KIF1B: variants seen among roughly 807,000 people sequenced by gnomAD.
The protein encoded by KIF1B is kinesin-like protein KIF1B.
A neutral mutation model predicts 241.9 loss-of-function variants in KIF1B; 76 were observed. The ratio of observed to expected loss-of-function variants is 0.31; its 90% CI spans 0.26 to 0.38. KIF1B has a LOEUF of 0.38. Among genes scored for constraint, KIF1B ranks in the 10% least tolerant of loss-of-function variants. KIF1B has a pLI of 1.00. For missense variants in KIF1B, 1,622 were observed against 2,271.4 expected (o/e 0.71, Z 5.81); for synonymous variants, 750 against 796.7 (o/e 0.94, Z 0.99).
intron 5 of KIF1B, among the ~76,000 whole-genome samples, chr1:10,265,678 C>T (rs1186804481): frequency 6.6e-6 from 1 of 151,994 alleles, no homozygotes; most frequent in African/African-American, 2.4e-5. Flanking sequence ...GACCCTGTCT[C>T]TGCAAAAAAA....
At chr1:10,235,240 A>G (rs1451985614) in intron 2 of KIF1B, among the ~76,000 whole-genome samples, 1 of 152,062 alleles carries the variant, frequency 6.6e-6, no homozygotes, top group African/African-American at 2.4e-5. Context: ...AATTACCGTA[A>G]CAAAGGATTA....
At chr1:10,245,171 G>A (rs1197174770) in intron 2 of KIF1B, among the ~76,000 whole-genome samples, 3 of 152,118 alleles carry the variant, frequency 2.0e-5, no homozygotes, top group Non-Finnish European at 4.4e-5. Flanking sequence ...TACTAATCTT[G>A]TTTTGACTGC....
rs927884624 is a variant in KIF1B at position 10,379,865 on chromosome 1, G to A, written c.*3278G>A. 38 of 229,802 alleles carry A rather than the reference G, an allele frequency of 1.7e-4. No homozygotes were observed. Among genetic ancestry groups the A allele is most frequent in the African/African-American group, 8.0e-4 (36 of 45,238 alleles). The allele number at this position is 229,802 out of a possible 1,614,324, so 14.2% of individuals were successfully genotyped here. On this transcript the variant is annotated 3_prime_UTR_variant, in exon 49 of 49. Transcript: ENST00000676179. ...GACTGTGCAGGGCCAGCCAGCCCAT[G>A]CGCTAGTCAGGAGCACAGGCAAGGG...
chr1:10,296,854 T>TA (rs1650289857), intron 20 of KIF1B, 43 bp from the exon 21 acceptor site: 3 of 1,561,150 alleles, frequency 1.9e-6, no homozygotes, highest in Non-Finnish European at 2.6e-6. Context: ...TACTATATAT[T>TA]AAAAAAATTA....
At chr1:10,245,715 G>A (rs1647200713) in intron 2 of KIF1B, among the ~76,000 whole-genome samples, 1 of 152,194 alleles carries the variant, frequency 6.6e-6, no homozygotes. Context: ...AAGGCCTGGA[G>A]GTGAGAGTGA....
intron 22 of KIF1B, among the ~76,000 whole-genome samples, chr1:10,300,475 T>C (rs1241374306): frequency 6.6e-6 from 1 of 151,864 alleles, no homozygotes; most frequent in African/African-American, 2.4e-5. Context: ...TTGAGTTCTT[T>C]TGGATTTATA....
chr1:10,275,512 A>T lies in KIF1B; in HGVS notation c.958+9A>T, dbSNP rs1463581648. 7.0e-7 allele frequency: 1 copy of T among 1,435,354 alleles called. No individual in the cohort carries two copies. The highest frequency in any genetic ancestry group is 1.1e-5 in the South Asian group (1 of 87,396). 88.9% of individuals were successfully genotyped at this position (1,435,354 alleles called of 1,614,324 possible). A position where few individuals can be genotyped will look rare whatever the true frequency, so the allele number is the denominator to read the frequency against. ...CCTTCGAGAAAATTTAGGTATGTTG[A>T]CCACTAGTGAAAAGTAGTTATCTTT... On this transcript the variant is annotated intron_variant, in intron 11 of 48. Coordinates refer to ENST00000676179, the MANE Select transcript of KIF1B (RefSeq NM_001365951.3).
intron 22 of KIF1B, chr1:10,307,972 T>G: frequency 9.5e-7 from 1 of 1,055,470 alleles, no homozygotes; most frequent in Non-Finnish European, 1.1e-6. Context: ...AATTGTTTAT[T>G]ACATTGAAGT....
chr1:10,239,615 A>G (rs747958011), intron 2 of KIF1B, among the ~76,000 whole-genome samples: 6 of 151,662 alleles, frequency 4.0e-5, no homozygotes, highest in Non-Finnish European at 8.8e-5. Flanking sequence ...TTTTATTATT[A>G]TTATTTTTTT....
intron 38 of KIF1B, among the ~76,000 whole-genome samples, chr1:10,358,431 C>G (rs1028558002): frequency 6.6e-6 from 1 of 152,158 alleles, no homozygotes; most frequent in Admixed American, 6.5e-5. Flanking sequence ...TCAAATATCA[C>G]CAAAGTCATA....
At chr1:10,255,266 C>T (rs1647708363) in intron 2 of KIF1B, among the ~76,000 whole-genome samples, 1 of 152,058 alleles carries the variant, frequency 6.6e-6, no homozygotes. Flanking sequence ...TGATGTGTTC[C>T]AATATTTCAG....
Position 10,378,630 on chromosome 1 carries a change from G to A in KIF1B, c.*2043G>A, listed in dbSNP as rs1638948992. 4 of 572,392 alleles carry A rather than the reference G, an allele frequency of 7.0e-6. No homozygotes were observed. The highest frequency in any genetic ancestry group is 9.4e-6 in the Non-Finnish European group (3 of 320,100). 35.5% of individuals were successfully genotyped at this position (572,392 alleles called of 1,614,324 possible). ...GCAGCTGGATGACTTCCCGCTTCAC[G>A]CAGCAAAGGCCAGGGGCTTGCGCGC... On this transcript the variant is annotated 3_prime_UTR_variant, in exon 49 of 49. Coordinates refer to ENST00000676179, the MANE Select transcript of KIF1B (RefSeq NM_001365951.3).
intron 2 of KIF1B, among the ~76,000 whole-genome samples, chr1:10,241,075 A>G (rs1408455478): frequency 6.6e-6 from 1 of 152,068 alleles, no homozygotes; most frequent in African/African-American, 2.4e-5. Flanking sequence ...ACTATATAGC[A>G]TACTATTTTA....
chr1:10,323,139 G>A (rs1167814421), intron 24 of KIF1B, among the ~76,000 whole-genome samples: 1 of 152,054 alleles, frequency 6.6e-6, no homozygotes, highest in Non-Finnish European at 1.5e-5. Context: ...TGGGATTACA[G>A]GTGTGAACTT....
chr1:10,336,890 T>C (rs1652200392), intron 29 of KIF1B, 148 bp downstream of exon 29: 2 of 1,091,194 alleles, frequency 1.8e-6, no homozygotes, highest in Admixed American at 1.8e-5. Flanking sequence ...CTAACAATTA[T>C]GAAGGTAAAG....
intron 17 of KIF1B, 93 bp from the exon 18 acceptor site, chr1:10,294,993 G>C: frequency 2.4e-6 from 2 of 834,366 alleles, no homozygotes; most frequent in Non-Finnish European, 4.3e-6. Context: ...TCTGTGGAGA[G>C]TTGGAGAAGC....
intron 17 of KIF1B, among the ~76,000 whole-genome samples, chr1:10,292,799 C>T (rs1397726119): frequency 6.6e-6 from 1 of 152,160 alleles, no homozygotes; most frequent in Non-Finnish European, 1.5e-5. Context: ...TAGAAAATGA[C>T]TATCAAATGG....
chr1:10,347,826 A>G lies in KIF1B; in HGVS notation c.3863A>G (p.Gln1288Arg). The G allele has an allele frequency of 6.2e-7, 1 of 1,612,282 alleles. No individual in the cohort carries two copies. The highest frequency in any genetic ancestry group is 8.5e-7 in the Non-Finnish European group (1 of 1,178,446). Reference sequence around the variant, plus strand: ...TGCCAGGGGACATTTTTGCTTCATCAGGTACTAATGAGGGACCAAAACAGG... The same window carrying G: ...TGCCAGGGGACATTTTTGCTTCATCGGGTACTAATGAGGGACCAAAACAGG... ...LPCQGTFLLH[Q>R]GIQRRITVTI... Residue 1288 changes from glutamine to arginine, a missense_variant and splice_region_variant, in exon 36 of 49, where the codon CAG becomes CGG. Gln to Arg is a conservative substitution (Grantham distance 43). Around this residue, in one of 7 missense-constraint regions of KIF1B, gnomAD observed 803 missense variants for 1,112.0 expected, o/e 0.72. Transcript: ENST00000676179.
At chr1:10,318,553 C>T (rs1651393757) in intron 22 of KIF1B, among the ~76,000 whole-genome samples, 1 of 147,536 alleles carries the variant, frequency 6.8e-6, no homozygotes, top group African/African-American at 2.7e-5. Context: ...AAACCCATCT[C>T]TACTAAAATA....
Sources: allele counts gnomAD v4.1 joint callset (sites outside exome capture counted in the v4.1 genomes callset), GRCh38; gene constraint gnomAD v4.1.1; regional missense constraint gnomAD v4.1.1; transcripts MANE v1.5; gene names NCBI Gene and HGNC (gene_info 2026-07-23, HGNC 2026-07-21).